The following SLC28A1 variants were observed in gnomAD, a reference collection of about 807,000 sequenced individuals.
SLC28A1 encodes the protein sodium/nucleoside cotransporter 1.
SLC28A1 carries 64 observed loss-of-function variants against 74.8 expected under a neutral mutation model. The ratio of observed to expected loss-of-function variants is 0.86; its 90% CI spans 0.70 to 1.05. SLC28A1 has a LOEUF of 1.05. Ranked by LOEUF, SLC28A1 falls within the 50% of genes least tolerant of loss-of-function variation. The pLI is 0.00. For synonymous variants in SLC28A1, 359 were observed against 335.0 expected (o/e 1.07, Z -0.78); for missense variants, 828 against 822.8 (o/e 1.01, Z -0.08).
chr15:84,938,430 C>A (rs955556473), intron 15 of SLC28A1: 1 of 152,060 alleles, frequency 6.6e-6, no homozygotes, highest in Non-Finnish European at 1.5e-5. Context: ...ATATAGAATG[C>A]TTCATGAATT....
At chr15:84,962,554 C>T in the SLC28A1 span, among the ~76,000 whole-genome samples, 1 of 152,170 alleles carries the variant, frequency 6.6e-6, no homozygotes, top group Non-Finnish European at 1.5e-5. Context: ...CCTTCCACCT[C>T]AGCCTCTGGA....
At chr15:84,969,933 G>A in the SLC28A1 span, among the ~76,000 whole-genome samples, 5 of 152,184 alleles carry the variant, frequency 3.3e-5, no homozygotes, top group African/African-American at 1.2e-4. Context: ...TAAGGACAGA[G>A]GGATTTGACT....
intron 12 of SLC28A1, among the ~76,000 whole-genome samples, chr15:84,925,954 C>G (rs1334474833): frequency 6.6e-6 from 1 of 151,786 alleles, no homozygotes; most frequent in Non-Finnish European, 1.5e-5. Flanking sequence ...TACTCACCCA[C>G]TCATGGTAAC....
At chr15:84,926,460 C>T in intron 12 of SLC28A1, 1 of 428,614 alleles carries the variant, frequency 2.3e-6, no homozygotes, top group South Asian at 1.7e-5. Flanking sequence ...GCCTTGGCCT[C>T]CCAAAATATT....
chr15:84,911,098 G>T (rs144555019), intron 9 of SLC28A1, among the ~76,000 whole-genome samples: 1 of 152,324 alleles, frequency 6.6e-6, no homozygotes, highest in Non-Finnish European at 1.5e-5. Context: ...GGTGCCCGGC[G>T]GGCCACGCAG....
At chr15:84,953,695 C>T in the SLC28A1 span, among the ~76,000 whole-genome samples, 1 of 152,118 alleles carries the variant, frequency 6.6e-6, no homozygotes. Context: ...GCACTCCAGC[C>T]TGGGTGACAG....
intron 9 of SLC28A1, among the ~76,000 whole-genome samples, chr15:84,916,766 G>A (rs1235863369): frequency 6.6e-6 from 1 of 152,140 alleles, no homozygotes; most frequent in Non-Finnish European, 1.5e-5. Context: ...AGTGGCTCAC[G>A]CCTGTAATCT....
chr15:84,919,371 A>G (rs1343122709), intron 10 of SLC28A1, among the ~76,000 whole-genome samples: 3 of 152,256 alleles, frequency 2.0e-5, no homozygotes, highest in African/African-American at 7.2e-5. Context: ...GATGGCTTCC[A>G]GAAATGCAAA....
chr15:84,967,761 T>G, the SLC28A1 span, among the ~76,000 whole-genome samples: 52 of 152,282 alleles, frequency 3.4e-4, no homozygotes, highest in African/African-American at 1.3e-3. Flanking sequence ...AGGTGACTGT[T>G]GTTTCTAAGA....
chr15:84,926,663 G>C, intron 12 of SLC28A1: 1 of 392,114 alleles, frequency 2.6e-6, no homozygotes, highest in Non-Finnish European at 5.1e-6. Context: ...AGCTGGGTAA[G>C]TTGCCCCACA....
At chr15:84,956,463 CT>C in the SLC28A1 span, among the ~76,000 whole-genome samples, 1 of 77,220 alleles carries the variant, frequency 1.3e-5, no homozygotes, top group South Asian at 5.1e-4. Flanking sequence ...TTCTTTCTTT[CT>C]TTCCTTCTTT....
chr15:84,890,556 AC>A, intron 5 of SLC28A1, 22 bp downstream of exon 5: 1 of 1,572,448 alleles, frequency 6.4e-7, no homozygotes. Flanking sequence ...GCCCAGCACT[AC>A]CCAGGACACA....
intron 13 of SLC28A1, 114 bp from the exon 14 acceptor site, chr15:84,934,912 A>G: frequency 1.1e-6 from 1 of 908,750 alleles, no homozygotes; most frequent in Non-Finnish European, 1.8e-6. Flanking sequence ...AGGGAAAATT[A>G]GGATTTCCCG....
At chr15:84,969,905 A>G in the SLC28A1 span, among the ~76,000 whole-genome samples, 1 of 152,216 alleles carries the variant, frequency 6.6e-6, no homozygotes, top group Non-Finnish European at 1.5e-5. Context: ...AAGTTGAATC[A>G]CAAAATGTTA....
chr15:84,930,832 C>T (rs985152224), intron 12 of SLC28A1, among the ~76,000 whole-genome samples: 9 of 150,992 alleles, frequency 6.0e-5, no homozygotes, highest in Non-Finnish European at 1.0e-4. Flanking sequence ...TGCAATAGTG[C>T]GATCTCGGCT....
At chr15:84,944,497 C>G (rs1596370809) in intron 16 of SLC28A1, 69 bp from the exon 17 acceptor site, 9 of 1,060,850 alleles carry the variant, frequency 8.5e-6, no homozygotes, top group Non-Finnish European at 1.3e-5. Flanking sequence ...CAGATGCAGC[C>G]CGAGCTGCGG....
At chr15:84,886,620 G>A in intron 1 of SLC28A1, 52 bp from the exon 2 acceptor site, 1 of 985,494 alleles carries the variant, frequency 1.0e-6, no homozygotes, top group Non-Finnish European at 1.2e-6. Context: ...GGGAGGCGCT[G>A]GGCAGAACTG....
intron 5 of SLC28A1, among the ~76,000 whole-genome samples, chr15:84,894,098 G>T (rs776762671): frequency 6.6e-6 from 1 of 152,186 alleles, no homozygotes; most frequent in Non-Finnish European, 1.5e-5. Context: ...GAGGCCGGGC[G>T]CGGTGGCTTA....
the SLC28A1 span, among the ~76,000 whole-genome samples, chr15:84,972,636 A>C: frequency 1.3e-5 from 2 of 152,204 alleles, no homozygotes; most frequent in African/African-American, 4.8e-5. Context: ...CCCTTGCATC[A>C]GGGTCCCACT....
Sources: gnomAD v4.1 joint callset for allele counts (sites outside exome capture counted in the v4.1 genomes callset) on GRCh38, gnomAD v4.1.1 for gene constraint, MANE v1.5 for transcripts, NCBI Gene and HGNC (gene_info 2026-07-23, HGNC 2026-07-21) for gene names.